Variants in RSF1 observed in about 807,000 individuals in gnomAD.
The protein encoded by RSF1 is remodeling and spacing factor 1, also known as HBV pX-associated protein 8.
A neutral mutation model predicts 145.2 loss-of-function variants in RSF1; 13 were observed. The ratio of observed to expected loss-of-function variants is 0.09; its 90% CI spans 0.06 to 0.14. RSF1 has a LOEUF of 0.14. Ranked by LOEUF, RSF1 falls within the 10% of genes least tolerant of loss-of-function variation. The probability of loss-of-function intolerance (pLI) is 1.00; values close to 1 mark genes in which losing one functional copy is unlikely to be tolerated. For synonymous variants in RSF1, 577 were observed against 592.6 expected, an observed-to-expected ratio of 0.97 and a Z score of 0.38; for missense variants, 1,517 against 1,718.2, an observed-to-expected ratio of 0.88 and a Z score of 2.07.
At chr11:77,719,821 TTTTAACATTATGTTAGTG>T (rs1253101282) in intron 5 of RSF1, among the ~76,000 whole-genome samples, 4 of 152,356 alleles carry the variant, frequency 2.6e-5, no homozygotes, top group Non-Finnish European at 5.9e-5. Flanking sequence ...TAGCATATGT[TTTTAACATTATGTTAGTG>T]TAATGTTAAA....
chr11:77,869,554 G>C, the RSF1 span: 1 of 558,306 alleles, frequency 1.8e-6, no homozygotes, highest in African/African-American at 1.9e-5. Context: ...TAGGTTCAAG[G>C]GATCCTGCCT....
chr11:77,712,962 G>C lies in RSF1; in HGVS notation c.734-10467C>G, dbSNP rs976463041. Among the ~76,000 whole-genome samples the C allele has an allele frequency of 2.6e-5, 4 of 151,946 alleles. No homozygotes were observed. The East Asian group carries it at 7.7e-4, about 29-fold the overall frequency. On this transcript the variant is annotated intron_variant, in intron 5 of 15. Transcript: ENST00000308488. ...TTTCCTGCATTACCAGATGTTTCAGGCTCATCTTGTGTTTTCCCTGCCTGT... is the reference window on the plus strand; with the variant it reads ...TTTCCTGCATTACCAGATGTTTCAGCCTCATCTTGTGTTTTCCCTGCCTGT...
At chr11:77,790,320 C>T (rs2135965991) in intron 1 of RSF1, among the ~76,000 whole-genome samples, 1 of 152,210 alleles carries the variant, frequency 6.6e-6, no homozygotes, top group Admixed American at 6.5e-5. Context: ...TCTCATGAGA[C>T]TTAGTTATTA....
Position 77,672,553 on chromosome 11 carries a change from C to A in RSF1, c.3563-323G>T, listed in dbSNP as rs768776494. Among the ~76,000 whole-genome samples, 91 of 150,942 alleles carry A rather than the reference C, an allele frequency of 6.0e-4. 1 individual carries two copies. Among genetic ancestry groups the A allele is most frequent in the Non-Finnish European group, 1.1e-3 (77 of 67,950 alleles). On this transcript the variant is annotated intron_variant, in intron 14 of 15. Coordinates refer to ENST00000308488, the MANE Select transcript of RSF1 (RefSeq NM_016578.4). ...CTACCTACCAAAGTGTTGAGATTAC[C>A]ACATGCCTGGCCTTTAAGTCTCCCT...
intron 1 of RSF1, among the ~76,000 whole-genome samples, chr11:77,814,449 T>TG (rs1406182064): frequency 7.3e-5 from 11 of 151,714 alleles, no homozygotes; most frequent in South Asian, 2.1e-4. Flanking sequence ...GCCCTAACTC[T>TG]GGGGGGGAAA....
In RSF1 at chr11:77,820,535, G is replaced by C. The variant is rs1429719365; in HGVS notation, c.180C>G (p.Asn60Lys). The change falls in exon 1 of 16, where the codon AAC becomes AAG. Residue 60 changes from asparagine to lysine, a missense_variant. Coordinates refer to ENST00000308488, the MANE Select transcript of RSF1 (RefSeq NM_016578.4). Reference sequence around the variant, plus strand: ...TTCGGGCCCCTCGCTTACCTTCTCCGTTGCCGACGTCCGGCGGCGGCGCCT... The same window carrying C: ...TTCGGGCCCCTCGCTTACCTTCTCCCTTGCCGACGTCCGGCGGCGGCGCCT... ...VLQAPPPDVG[N>K]GEVPKELVEL... 5 of 1,547,850 alleles carry C rather than the reference G, an allele frequency of 3.2e-6. No homozygotes were observed. The highest frequency in any genetic ancestry group is 1.7e-6 in the Non-Finnish European group (2 of 1,146,658).
chr11:77,782,588 T>C (rs1010604678), intron 1 of RSF1, among the ~76,000 whole-genome samples: 6 of 150,974 alleles, frequency 4.0e-5, no homozygotes, highest in Non-Finnish European at 7.4e-5. Context: ...CCACAAGGGC[T>C]GTATGCAGCA....
At chr11:77,861,258 G>A in the RSF1 span, among the ~76,000 whole-genome samples, 1 of 152,174 alleles carries the variant, frequency 6.6e-6, no homozygotes, top group South Asian at 2.1e-4. Context: ...AGGGAGTGGG[G>A]CTTTCAGGCA....
intron 1 of RSF1, among the ~76,000 whole-genome samples, chr11:77,811,940 G>A (rs1293942292): frequency 2.0e-5 from 3 of 152,188 alleles, no homozygotes; most frequent in South Asian, 4.1e-4. Flanking sequence ...TGGGGAGGCT[G>A]AGTCAGGTGG....
At chr11:77,861,102 A>AT in the RSF1 span, among the ~76,000 whole-genome samples, 2 of 152,042 alleles carry the variant, frequency 1.3e-5, no homozygotes, top group African/African-American at 4.8e-5. Flanking sequence ...CAGTATGGGC[A>AT]TTTTTTGCTC....
At chr11:77,669,027 A>G (rs1959449485) in intron 15 of RSF1, among the ~76,000 whole-genome samples, 1 of 152,166 alleles carries the variant, frequency 6.6e-6, no homozygotes, top group African/African-American at 2.4e-5. Context: ...TGTGTCTAAA[A>G]CTGGGCTCCT....
At chr11:77,817,403 C>A (rs1002062037) in intron 1 of RSF1, among the ~76,000 whole-genome samples, 10 of 152,182 alleles carry the variant, frequency 6.6e-5, no homozygotes, top group African/African-American at 2.4e-4. Flanking sequence ...CGCTAAAAAA[C>A]CAGCTTCACA....
At chr11:77,746,426 G>A (rs932632652) in intron 3 of RSF1, among the ~76,000 whole-genome samples, 1 of 152,114 alleles carries the variant, frequency 6.6e-6, no homozygotes, top group African/African-American at 2.4e-5. Context: ...AAATCTTGAG[G>A]TCTTTTGAAT....
rs763953559 is a variant in RSF1 at position 77,676,990 on chromosome 11, C to T, written c.3143G>A (p.Arg1048Gln). ...IKEADGGGVG[R>Q]GKDISTITGH... is the part of the protein sequence containing the mutation. ...TGTGATGGTGGAGATATCTTTTCCT[C>T]GGCCAACTCCTGAATTTGGGGGAGG... Residue 1048 changes from arginine to glutamine, a missense_variant, in exon 13 of 16, where the codon CGA becomes CAA. Transcript: ENST00000308488. The T allele has an allele frequency of 9.4e-6, 15 of 1,593,628 alleles. No homozygotes were observed. In the East Asian group the frequency reaches 1.4e-4, roughly 15 times the overall value.
At chr11:77,691,857 C>T (rs1214531938) in intron 8 of RSF1, 3 of 152,232 alleles carry the variant, frequency 2.0e-5, no homozygotes, top group African/African-American at 7.2e-5. Context: ...CCACAGAAGT[C>T]CATTTCACTG....
chr11:77,791,577 T>C (rs1948517692), intron 1 of RSF1, among the ~76,000 whole-genome samples: 1 of 152,194 alleles, frequency 6.6e-6, no homozygotes, highest in South Asian at 2.1e-4. Context: ...TAAAACTGAA[T>C]GCCTTTAATA....
intron 4 of RSF1, among the ~76,000 whole-genome samples, chr11:77,726,459 T>C (rs887623694): frequency 1.4e-4 from 22 of 152,164 alleles, no homozygotes; most frequent in African/African-American, 5.3e-4. Context: ...TATCCCTGTA[T>C]CTGGCAAATA....
chr11:77,828,070 C>A, the RSF1 span, among the ~76,000 whole-genome samples: 1 of 152,014 alleles, frequency 6.6e-6, no homozygotes. Flanking sequence ...GCCAGGAGTT[C>A]AATACCAGCC....
upstream of RSF1, chr11:77,820,770 C>G: frequency 6.7e-7 from 1 of 1,494,746 alleles, no homozygotes; most frequent in Non-Finnish European, 9.0e-7. Flanking sequence ...GTTGTGGTGC[C>G]GAGGGATGGC....
Sources: allele counts gnomAD v4.1 joint callset (sites outside exome capture counted in the v4.1 genomes callset), GRCh38; gene constraint gnomAD v4.1.1; transcripts MANE v1.5; gene names NCBI Gene and HGNC (gene_info 2026-07-23, HGNC 2026-07-21).